Variants in PIK3R1 observed in about 807,000 individuals in gnomAD.
PIK3R1 encodes the protein phosphoinositide-3-kinase regulatory subunit 1.
In PIK3R1, 29 loss-of-function variants were observed where a neutral mutation model predicts 98.0. The observed-to-expected ratio is 0.30, with a 90% CI of 0.22 to 0.40. The LOEUF (loss-of-function observed/expected upper bound fraction) is 0.40, where lower values mean the gene tolerates loss of function less well. Among genes scored for constraint, PIK3R1 ranks in the 10% least tolerant of loss-of-function variants. The pLI, the probability that PIK3R1 is intolerant of heterozygous loss-of-function variation, is 1.00. For missense variants in PIK3R1, 596 were observed against 872.7 expected, an observed-to-expected ratio of 0.68 and a Z score of 3.99; for synonymous variants, 282 against 311.8, an observed-to-expected ratio of 0.90 and a Z score of 1.01.
At chr5:68,250,095 C>T (rs1231718264) in intron 2 of PIK3R1, among the ~76,000 whole-genome samples, 1 of 152,184 alleles carries the variant, frequency 6.6e-6, no homozygotes, top group Non-Finnish European at 1.5e-5. Flanking sequence ...GTGAGCGGCA[C>T]ACCTTGGGAA....
intron 15 of PIK3R1, among the ~76,000 whole-genome samples, chr5:68,296,852 G>T (rs562478744): frequency 6.6e-6 from 1 of 152,154 alleles, no homozygotes; most frequent in South Asian, 2.1e-4. Flanking sequence ...AGTAGGGAAT[G>T]GTTCTAAAAG....
intron 7 of PIK3R1, among the ~76,000 whole-genome samples, chr5:68,288,123 C>CAT: frequency 6.6e-6 from 1 of 152,278 alleles, no homozygotes; most frequent in Middle Eastern, 3.4e-3. Flanking sequence ...TTTGGCTGTG[C>CAT]ATAGTGCCTC....
intron 4 of PIK3R1, among the ~76,000 whole-genome samples, chr5:68,276,105 A>G (rs369329423): frequency 1.9e-4 from 29 of 152,324 alleles, no homozygotes; most frequent in African/African-American, 7.0e-4. Context: ...TTGCCCTAAA[A>G]TGAATTGTTT....
intron 2 of PIK3R1, among the ~76,000 whole-genome samples, chr5:68,241,960 A>G (rs898740297): frequency 2.0e-5 from 3 of 152,244 alleles, no homozygotes; most frequent in Non-Finnish European, 2.9e-5. Flanking sequence ...TGTCAAAATC[A>G]TGTACTAGAA....
intron 2 of PIK3R1, among the ~76,000 whole-genome samples, chr5:68,244,869 T>A (rs1398527085): frequency 6.6e-6 from 1 of 152,140 alleles, no homozygotes; most frequent in Non-Finnish European, 1.5e-5. Flanking sequence ...GTTCCATGAG[T>A]TTTATGGACA....
At chr5:68,241,227 A>AG (rs1434827729) in intron 2 of PIK3R1, among the ~76,000 whole-genome samples, 3 of 152,118 alleles carry the variant, frequency 2.0e-5, no homozygotes, top group East Asian at 1.9e-4. Context: ...AGGAAAAAAA[A>AG]TCTTTTGTTT....
rs1459614407 is a variant in PIK3R1 at position 68,300,571 on chromosome 5, A to C, written c.*2970A>C. 4.3e-6 allele frequency: 1 copy of C among 233,118 alleles called. No homozygotes were observed. Among genetic ancestry groups the C allele is most frequent in the African/African-American group, 2.2e-5 (1 of 45,352 alleles). 14.4% of individuals were successfully genotyped at this position (233,118 alleles called of 1,614,324 possible). ...CACGAGAGATCATAACCATGTGAAA[A>C]GGCAAAAAGCATGTGTTTGCAACAT... On this transcript the variant is annotated 3_prime_UTR_variant, in exon 16 of 16. Transcript: ENST00000521381.
rs541661964 is a variant in PIK3R1 at position 68,293,655 on chromosome 5, CA to C, written c.1300-52del. On this transcript the variant is annotated intron_variant, in intron 10 of 15. Transcript: ENST00000521381. ...TTTCCATGTCAGCTATTTTGTTAAA[CA>C]ATTGTTATTTGATTAAATACCTTAT... 9.8e-4 allele frequency: 1,259 copies of C among 1,285,974 alleles called. 4 individuals are homozygous for C. The highest frequency in any genetic ancestry group is 9.7e-3 in the Middle Eastern group (38 of 3,904). 79.7% of individuals were successfully genotyped at this position (1,285,974 alleles called of 1,614,324 possible). A position where few individuals can be genotyped will look rare whatever the true frequency, so the allele number is the denominator to read the frequency against.
intron 2 of PIK3R1, among the ~76,000 whole-genome samples, chr5:68,229,811 G>C (rs2111976178): frequency 6.6e-6 from 1 of 152,282 alleles, no homozygotes; most frequent in African/African-American, 2.4e-5. Context: ...AACTTTTTGA[G>C]AGAAAGAGTC....
At chr5:68,286,907 C>T (rs1747100471) in intron 7 of PIK3R1, among the ~76,000 whole-genome samples, 1 of 152,148 alleles carries the variant, frequency 6.6e-6, no homozygotes, top group Non-Finnish European at 1.5e-5. Context: ...GCTCAGGATG[C>T]AAGGGTATTC....
At chr5:68,277,616 T>C (rs1746634548) in intron 4 of PIK3R1, among the ~76,000 whole-genome samples, 1 of 152,210 alleles carries the variant, frequency 6.6e-6, no homozygotes, top group South Asian at 2.1e-4. Flanking sequence ...CAACCTAGAA[T>C]GATTTGTACT....
intron 2 of PIK3R1, among the ~76,000 whole-genome samples, chr5:68,256,336 TCTC>T (rs1332821117): frequency 1.3e-5 from 2 of 152,172 alleles, no homozygotes; most frequent in Non-Finnish European, 2.9e-5. Flanking sequence ...TTCACACCAT[TCTC>T]CTGCCTCAGC....
chr5:68,251,388 A>T (rs1287545155), intron 2 of PIK3R1, among the ~76,000 whole-genome samples: 1 of 152,036 alleles, frequency 6.6e-6, no homozygotes, highest in Non-Finnish European at 1.5e-5. Context: ...TTGGTTTTTC[A>T]GTGGACCCTG....
chr5:68,217,631 T>TGG (rs1344468392), intron 1 of PIK3R1: 1 of 131,282 alleles, frequency 7.6e-6, no homozygotes, highest in Non-Finnish European at 1.6e-5. Context: ...TGTGTGGGGG[T>TGG]GTGTGTGTGT....
At chr5:68,227,576 T>C (rs1280047818) in intron 2 of PIK3R1, among the ~76,000 whole-genome samples, 7 of 152,192 alleles carry the variant, frequency 4.6e-5, no homozygotes, top group African/African-American at 2.4e-5. Flanking sequence ...GTAAGTCTAA[T>C]ATAAGTATAT....
chr5:68,286,372 G>C (rs559813375), intron 7 of PIK3R1, among the ~76,000 whole-genome samples: 2 of 152,278 alleles, frequency 1.3e-5, no homozygotes, highest in South Asian at 4.1e-4. Context: ...TTACTAATTA[G>C]TGAGTCATAT....
At position 68,249,607 on chromosome 5, in the gene PIK3R1, A is replaced by G. The variant is rs915776932; in HGVS notation, c.334+22598A>G. Among the ~76,000 whole-genome samples the G allele has an allele frequency of 2.0e-5, 3 of 152,226 alleles. 1 individual carries two copies. Among genetic ancestry groups the G allele is most frequent in the Admixed American group, 2.0e-4 (3 of 15,288 alleles). On this transcript the variant is annotated intron_variant, in intron 2 of 15. Transcript: ENST00000521381. ...TTCTTTCACTAAATGACATTGGTTA[A>G]TTCAACAAGCCATTGTAGGAATTCT...
rs1378477766 is a variant in PIK3R1, at chr5:68,262,704, TGC to T, written c.335-10685_335-10684del. ...GTATCTGCATGTATACACATGTAGA[TGC>T]ATGTAGATGCATGTATACATATATA... is the stretch of plus-strand genomic sequence containing the variant. On this transcript the variant is annotated intron_variant, in intron 2 of 15. Coordinates refer to ENST00000521381, the MANE Select transcript of PIK3R1 (RefSeq NM_181523.3). 1.0e-3 allele frequency among the ~76,000 whole-genome samples: 49 copies of T among 46,708 alleles called. 1 individual carries two copies. Among genetic ancestry groups the T allele is most frequent in the African/African-American group, 4.0e-3 (44 of 10,890 alleles). 30.6% of individuals were successfully genotyped at this position (46,708 alleles called of 152,430 possible). A position where few individuals can be genotyped will look rare whatever the true frequency, so the allele number is the denominator to read the frequency against.
intron 2 of PIK3R1, among the ~76,000 whole-genome samples, chr5:68,229,585 T>G (rs1744399367): frequency 6.6e-6 from 1 of 152,146 alleles, no homozygotes. Context: ...GCACACCTCG[T>G]TAATGGGCAG....
Sources: gnomAD v4.1 joint callset for allele counts (sites outside exome capture counted in the v4.1 genomes callset) on GRCh38, gnomAD v4.1.1 for gene constraint, MANE v1.5 for transcripts, NCBI Gene and HGNC (gene_info 2026-07-23, HGNC 2026-07-21) for gene names.